NARS2: variants seen among roughly 807,000 people sequenced by gnomAD.
NARS2 encodes asparaginyl-tRNA synthetase.
NARS2 carries 60 observed loss-of-function variants against 62.9 expected under a neutral mutation model. The observed-to-expected ratio is 0.95, with a 90% CI of 0.77 to 1.18. NARS2 has a LOEUF of 1.18. Among genes scored for constraint, NARS2 ranks in the 50% most tolerant of loss-of-function variants. The pLI, the probability that NARS2 is intolerant of heterozygous loss-of-function variation, is 0.00. For synonymous variants in NARS2, 196 were observed against 200.0 expected (o/e 0.98, Z 0.17); for missense variants, 619 against 576.4 (o/e 1.07, Z -0.76).
intron 11 of NARS2, among the ~76,000 whole-genome samples, chr11:78,461,897 G>A (rs1330900920): frequency 6.6e-6 from 1 of 152,040 alleles, no homozygotes; most frequent in Non-Finnish European, 1.5e-5. Flanking sequence ...AGGGTGCAAT[G>A]AGCCAAGATC....
Position 78,478,399 on chromosome 11 carries a change from G to T in NARS2, c.959+39C>A. The T allele has an allele frequency of 3.4e-6, 3 of 891,578 alleles. No individual in the cohort carries two copies. The South Asian group carries it at 7.1e-5, about 21-fold the overall frequency. 55.2% of individuals were successfully genotyped at this position (891,578 alleles called of 1,614,324 possible). On this transcript the variant is annotated intron_variant, in intron 9 of 13. Coordinates refer to ENST00000281038, the MANE Select transcript of NARS2 (RefSeq NM_024678.6). ...TATAATATAGTGTGATAAATACAGT[G>T]ATAATGAATAAAGTTCAAAAAGTAT...
rs1861220037 is a variant in NARS2, at chr11:78,524,113, C to T, written c.689+4729G>A. ...TATTTATACTTCTGTGTATTAACTACAAGATGGCTTTAAAATATTTTTTAA... is the reference window on the plus strand; with the variant it reads ...TATTTATACTTCTGTGTATTAACTATAAGATGGCTTTAAAATATTTTTTAA... On this transcript the variant is annotated intron_variant, in intron 6 of 13. Transcript: ENST00000281038. 3.3e-5 allele frequency among the ~76,000 whole-genome samples: 5 copies of T among 152,118 alleles called. No individual in the cohort carries two copies. The South Asian group carries it at 1.0e-3, about 32-fold the overall frequency.
intron 6 of NARS2, among the ~76,000 whole-genome samples, chr11:78,502,378 T>G (rs1165171176): frequency 6.6e-6 from 1 of 152,226 alleles, no homozygotes; most frequent in African/African-American, 2.4e-5. Flanking sequence ...GATTTTCCTT[T>G]GTGCACAAGC....
chr11:78,514,539 A>G (rs1321247675), intron 6 of NARS2, among the ~76,000 whole-genome samples: 4 of 152,246 alleles, frequency 2.6e-5, no homozygotes, highest in African/African-American at 4.8e-5. Flanking sequence ...TTCTATTTAT[A>G]TAATTGCTCA....
intron 13 of NARS2, among the ~76,000 whole-genome samples, chr11:78,437,035 C>T (rs1857431496): frequency 1.3e-5 from 2 of 152,218 alleles, no homozygotes; most frequent in African/African-American, 4.8e-5. Context: ...GTCATACAGT[C>T]ATGGGCTTTG....
intron 1 of NARS2, 112 bp from the exon 2 acceptor site, chr11:78,571,556 A>C: frequency 1.5e-6 from 1 of 671,926 alleles, no homozygotes; most frequent in Non-Finnish European, 2.6e-6. Context: ...CTGCCTCAAC[A>C]AATCAACTTC....
At chr11:78,541,098 G>A (rs1855598046) in intron 5 of NARS2, among the ~76,000 whole-genome samples, 1 of 152,134 alleles carries the variant, frequency 6.6e-6, no homozygotes, top group Admixed American at 6.5e-5. Context: ...GGCAGAGGTT[G>A]TTGTGAGCTG....
chr11:78,497,183 A>G (rs1860092976), intron 6 of NARS2, among the ~76,000 whole-genome samples: 1 of 151,518 alleles, frequency 6.6e-6, no homozygotes, highest in African/African-American at 2.4e-5. Flanking sequence ...AGTACATTCA[A>G]TACACATCAA....
At chr11:78,449,615 A>C (rs1459713140) in intron 11 of NARS2, among the ~76,000 whole-genome samples, 1 of 152,170 alleles carries the variant, frequency 6.6e-6, no homozygotes, top group Non-Finnish European at 1.5e-5. Context: ...AGGCTAGGCT[A>C]AGCTATAGTC....
chr11:78,454,344 G>A (rs1192515217), intron 11 of NARS2, among the ~76,000 whole-genome samples: 1 of 152,138 alleles, frequency 6.6e-6, no homozygotes, highest in Admixed American at 6.5e-5. Context: ...CATGGGGGTG[G>A]CCTCCTCATG....
intron 11 of NARS2, among the ~76,000 whole-genome samples, chr11:78,458,164 C>T (rs1199682249): frequency 1.3e-5 from 2 of 151,884 alleles, no homozygotes; most frequent in African/African-American, 2.4e-5. Context: ...TTTGAGGTGA[C>T]GAATATGCTA....
At chr11:78,460,318 G>C (rs1318176728) in intron 11 of NARS2, among the ~76,000 whole-genome samples, 2 of 150,652 alleles carry the variant, frequency 1.3e-5, no homozygotes, top group African/African-American at 4.9e-5. Flanking sequence ...TGCTGTCCAG[G>C]CTGGTCCGGA....
chr11:78,535,696 C>G (rs1023153441), intron 5 of NARS2, among the ~76,000 whole-genome samples: 3 of 151,424 alleles, frequency 2.0e-5, no homozygotes, highest in African/African-American at 7.3e-5. Flanking sequence ...ATGGCACGAT[C>G]TCAGCTCACC....
intron 11 of NARS2, among the ~76,000 whole-genome samples, chr11:78,463,674 G>C (rs1295538921): frequency 1.1e-5 from 1 of 93,360 alleles, no homozygotes; most frequent in East Asian, 3.9e-4. Flanking sequence ...TGACAAGAGT[G>C]AAATTCTATC....
At chr11:78,468,852 G>C (rs1212800534) in intron 10 of NARS2, among the ~76,000 whole-genome samples, 1 of 122,742 alleles carries the variant, frequency 8.1e-6, no homozygotes, top group African/African-American at 3.2e-5. Flanking sequence ...GGCTGGTCTT[G>C]AACTTTGGGG....
chr11:78,456,254 C>G (rs1858159709), intron 11 of NARS2, among the ~76,000 whole-genome samples: 1 of 152,142 alleles, frequency 6.6e-6, no homozygotes, highest in African/African-American at 2.4e-5. Flanking sequence ...ATGGGAGAAA[C>G]AGTTTGGTAA....
At position 78,539,110 on chromosome 11, in the gene NARS2, A is replaced by G. The variant is rs538898267; in HGVS notation, c.595-10174T>C. ...GGAGTTTGAATTTTATTCTAAGATC[A>G]CAGAGCAGCCACTGAAATGTAAGCA... On this transcript the variant is annotated intron_variant, in intron 5 of 13. Transcript: ENST00000281038. 1.0e-3 allele frequency among the ~76,000 whole-genome samples: 152 copies of G among 151,818 alleles called. 1 individual carries two copies. Among genetic ancestry groups the G allele is most frequent in the Middle Eastern group, 6.9e-3 (2 of 290 alleles).
chr11:78,477,038 T>A (rs940817807), intron 9 of NARS2, among the ~76,000 whole-genome samples: 2 of 152,228 alleles, frequency 1.3e-5, no homozygotes, highest in Non-Finnish European at 2.9e-5. Context: ...TACTGATGTA[T>A]GTAAATTTTA....
At chr11:78,569,001 G>C (rs768080330) in intron 2 of NARS2, among the ~76,000 whole-genome samples, 1 of 152,118 alleles carries the variant, frequency 6.6e-6, no homozygotes, top group Non-Finnish European at 1.5e-5. Flanking sequence ...TTAAGAGGTT[G>C]TACAATTGCC....
Sources: gnomAD v4.1 joint callset for allele counts (sites outside exome capture counted in the v4.1 genomes callset) on GRCh38, gnomAD v4.1.1 for gene constraint, MANE v1.5 for transcripts, NCBI Gene and HGNC (gene_info 2026-07-23, HGNC 2026-07-21) for gene names.